Variants in SLF1 observed in about 807,000 individuals in gnomAD.
The protein encoded by SLF1 is SMC5-SMC6 complex localization factor protein 1.
Under a neutral mutation model 123.0 loss-of-function variants are expected in SLF1, and 105 were observed. That is an observed-to-expected ratio of 0.85 (90% CI 0.73 to 1.00). The LOEUF (loss-of-function observed/expected upper bound fraction) is 1.00. Among genes scored for constraint, SLF1 ranks in the 50% least tolerant of loss-of-function variants. The pLI is 0.00. For synonymous variants in SLF1, 434 were observed against 406.6 expected, an observed-to-expected ratio of 1.07 and a Z score of -0.81; for missense variants, 1,239 against 1,223.0, an observed-to-expected ratio of 1.01 and a Z score of -0.20.
rs545664026 is a variant in SLF1, at chr5:94,680,449, G to C, written c.1975+1494G>C. Among the ~76,000 whole-genome samples the C allele has an allele frequency of 2.9e-3, 441 of 152,162 alleles. 1 individual carries two copies. Among genetic ancestry groups the C allele is most frequent in the Non-Finnish European group, 5.5e-3 (372 of 68,008 alleles). On this transcript the variant is annotated intron_variant, in intron 15 of 20. Transcript: ENST00000265140. ...TATTTCTTTCCCACCATTCCTACTA[G>C]GTAGTTTAGTGGTTTTTATCCTTTT...
rs1744898274 is a variant in SLF1 at position 94,628,819 on chromosome 5, T to C, written c.9T>C (p.Asp3=). Residue 3 remains aspartate (D), a synonymous_variant, in exon 2 of 21, where the codon GAT becomes GAC. Coordinates refer to ENST00000265140, the MANE Select transcript of SLF1 (RefSeq NM_032290.4). ME[D]GTPKHIIQMT... ...ATGTTTGTATTTGTTAGATGGAAGA[T>C]GGTACCCCAAAGCATATCATCCAGA... 1 of 1,538,382 alleles carries C rather than the reference T, an allele frequency of 6.5e-7. No homozygotes were observed. Among genetic ancestry groups the C allele is most frequent in the African/African-American group, 1.4e-5 (1 of 72,506 alleles).
chr5:94,643,180 C>T lies in SLF1; in HGVS notation c.432-93C>T, dbSNP rs1746640367. The T allele has an allele frequency of 5.1e-6, 5 of 988,600 alleles. No individual in the cohort carries two copies. The Admixed American group carries it at 9.8e-5, about 19-fold the overall frequency. The allele number at this position is 988,600 out of a possible 1,614,324, so 61.2% of individuals were successfully genotyped here. On this transcript the variant is annotated intron_variant, in intron 4 of 20. Coordinates refer to ENST00000265140, the MANE Select transcript of SLF1 (RefSeq NM_032290.4). ...GAAATTAGTCCCTATTAGAAAAGTC[C>T]ATTCGTACTCCTAAGAAATAATTAA...
intron 1 of SLF1, among the ~76,000 whole-genome samples, chr5:94,628,082 C>T (rs1744759449): frequency 6.6e-6 from 1 of 152,078 alleles, no homozygotes; most frequent in African/African-American, 2.4e-5. Context: ...CCGCCTCGGC[C>T]TCCCAAAGAA....
At chr5:94,667,225 A>G (rs1265846021) in intron 12 of SLF1, among the ~76,000 whole-genome samples, 1 of 152,200 alleles carries the variant, frequency 6.6e-6, no homozygotes, top group African/African-American at 2.4e-5. Context: ...GATTTAAATA[A>G]CAGTTCCTGC....
chr5:94,644,427 T>C (rs1398690193), intron 5 of SLF1, among the ~76,000 whole-genome samples: 1 of 152,204 alleles, frequency 6.6e-6, no homozygotes, highest in African/African-American at 2.4e-5. Context: ...AAGTCCTAAA[T>C]CTCTAATACG....
intron 14 of SLF1, among the ~76,000 whole-genome samples, chr5:94,671,458 A>C (rs1210663491): frequency 1.3e-5 from 2 of 151,744 alleles, no homozygotes; most frequent in Non-Finnish European, 3.0e-5. Flanking sequence ...GCCTGTCATT[A>C]GAAATTTAAC....
At chr5:94,629,259 T>A (rs956571895) in intron 3 of SLF1, 92 bp downstream of exon 3, 16 of 885,392 alleles carry the variant, frequency 1.8e-5, no homozygotes, top group Non-Finnish European at 2.6e-5. Flanking sequence ...TATTTACATA[T>A]CAAACCTAAA....
At chr5:94,636,710 ATTTTTTTTTTTT>A (rs140191160) in intron 4 of SLF1, among the ~76,000 whole-genome samples, 1 of 75,476 alleles carries the variant, frequency 1.3e-5, no homozygotes, top group Non-Finnish European at 2.3e-5. Flanking sequence ...TATTTTACTG[ATTTTTTTTTTTT>A]TTTTTTTTTT....
chr5:94,695,198 C>T lies in SLF1; in HGVS notation c.3063C>T (p.Leu1021=). 1 of 1,612,724 alleles carries T rather than the reference C, an allele frequency of 6.2e-7. No homozygotes were observed. Among genetic ancestry groups the T allele is most frequent in the Non-Finnish European group, 8.5e-7 (1 of 1,179,038 alleles). The change falls in exon 21 of 21, where the codon CTC becomes CTT. Residue 1021 remains leucine, a synonymous_variant. Coordinates refer to ENST00000265140, the MANE Select transcript of SLF1 (RefSeq NM_032290.4). ...YAGNIKTLQK[L]PHILKELPEN... ...GAAATATAAAGACATTGCAGAAACTCCCACACATTCTTAAGGAACTGCCTG... is the reference window on the plus strand; with the variant it reads ...GAAATATAAAGACATTGCAGAAACTTCCACACATTCTTAAGGAACTGCCTG...
chr5:94,670,310 C>A, intron 13 of SLF1, 31 bp downstream of exon 13: 1 of 1,411,730 alleles, frequency 7.1e-7, no homozygotes, highest in Non-Finnish European at 9.2e-7. Flanking sequence ...TAACACTTTT[C>A]TAAATTTTGG....
chr5:94,665,713 A>T, intron 11 of SLF1, 148 bp from the exon 12 acceptor site: 1 of 681,040 alleles, frequency 1.5e-6, no homozygotes, highest in Non-Finnish European at 2.3e-6. Flanking sequence ...AGATCGTGCC[A>T]CTGCACTCCA....
Position 94,630,588 on chromosome 5 carries a change from T to G in SLF1, c.276T>G (p.Tyr92Ter). 1 of 1,551,662 alleles carries G rather than the reference T, an allele frequency of 6.4e-7. No homozygotes were observed. Among genetic ancestry groups the G allele is most frequent in the Non-Finnish European group, 8.7e-7 (1 of 1,146,988 alleles). Residue 92 changes from tyrosine to a stop codon, truncating the protein, a stop_gained, in exon 4 of 21, where the codon TAT (tyrosine) becomes TAG (stop). Coordinates refer to ENST00000265140, the MANE Select transcript of SLF1 (RefSeq NM_032290.4). LOFTEE classifies it high-confidence loss of function. ...ATGAAACAACTTATGAATGGGGATA[T>G]AAAATTGAAAAAGATTCCCGTTATT... ...WLDETTYEWGYKIEKDSRYSP... is the reference protein window; with the variant it reads ...WLDETTYEWG
intron 15 of SLF1, among the ~76,000 whole-genome samples, chr5:94,684,263 A>G (rs1752135128): frequency 6.6e-6 from 1 of 152,208 alleles, no homozygotes; most frequent in South Asian, 2.1e-4. Context: ...AATGTATATA[A>G]TTAGAGATTA....
chr5:94,649,047 C>G (rs563535959), intron 5 of SLF1, among the ~76,000 whole-genome samples: 1 of 152,214 alleles, frequency 6.6e-6, no homozygotes, highest in African/African-American at 2.4e-5. Context: ...GTGGGGTATA[C>G]TTGCAAGTGA....
chr5:94,660,894 C>T (rs1035837634), intron 9 of SLF1, among the ~76,000 whole-genome samples: 2 of 152,176 alleles, frequency 1.3e-5, no homozygotes, highest in African/African-American at 2.4e-5. Context: ...CCCTGGTGCT[C>T]TCCACCTCCT....
In SLF1 at chr5:94,654,692, G is replaced by T. The variant is rs1388006885; in HGVS notation, c.1095G>T (p.Lys365Asn). 6.5e-7 allele frequency: 1 copy of T among 1,545,554 alleles called. No homozygotes were observed. Among genetic ancestry groups the T allele is most frequent in the East Asian group, 2.5e-5 (1 of 40,572 alleles). ...YAKESKAMAI[K>N]TDVDVVEIKN... ...AAGAATCAAAAGCCATGGCTATTAA[G>T]ACAGATGTGGATGTTGTTGAAATAA... The change falls in exon 9 of 21, where the codon AAG becomes AAT. Residue 365 changes from lysine (K) to asparagine (N), a missense_variant. Lys to Asn is a moderately conservative substitution (Grantham distance 94). Transcript: ENST00000265140.
intron 8 of SLF1, among the ~76,000 whole-genome samples, chr5:94,653,745 TTC>T (rs1255734637): frequency 6.6e-6 from 1 of 152,218 alleles, no homozygotes; most frequent in African/African-American, 2.4e-5. Context: ...GGGTAATACT[TTC>T]TAATGTAAAT....
intron 5 of SLF1, among the ~76,000 whole-genome samples, chr5:94,645,921 G>A (rs1357981129): frequency 1.3e-5 from 2 of 152,038 alleles, no homozygotes; most frequent in African/African-American, 4.8e-5. Flanking sequence ...GATGGATCTT[G>A]AAGTGTCATC....
rs1375932616 is a variant in SLF1 at position 94,628,890 on chromosome 5, T to C, written c.80T>C (p.Leu27Pro). Reference sequence around the variant, plus strand: ...GAAAAAGAAGCGCTAGTCAAATTACTTTTAAAACTAGATTGCACTTTTATT... The same window carrying C: ...GAAAAAGAAGCGCTAGTCAAATTACCTTTAAAACTAGATTGCACTTTTATT... ...MEEKEALVKL[L>P]LKLDCTFIKS... Residue 27 changes from leucine to proline, a missense_variant, in exon 2 of 21, where the codon CTT (leucine) becomes CCT (proline). By Grantham distance (98) the Leu-to-Pro change is moderately conservative (BLOSUM62 -3). Coordinates refer to ENST00000265140, the MANE Select transcript of SLF1 (RefSeq NM_032290.4). 3 of 1,549,476 alleles carry C rather than the reference T, an allele frequency of 1.9e-6. No homozygotes were observed. The highest frequency in any genetic ancestry group is 1.7e-6 in the Non-Finnish European group (2 of 1,146,086).
Sources: allele counts gnomAD v4.1 joint callset (sites outside exome capture counted in the v4.1 genomes callset), GRCh38; gene constraint gnomAD v4.1.1; transcripts MANE v1.5; gene names NCBI Gene and HGNC (gene_info 2026-07-23, HGNC 2026-07-21).